GPATCH1: variants seen among roughly 807,000 people sequenced by gnomAD.
The protein encoded by GPATCH1 is G patch domain-containing protein 1.
A neutral mutation model predicts 114.9 loss-of-function variants in GPATCH1; 73 were observed. The ratio of observed to expected loss-of-function variants is 0.64; its 90% CI spans 0.53 to 0.77. The LOEUF is 0.77. Among genes scored for constraint, GPATCH1 ranks in the 30% least tolerant of loss-of-function variants. The pLI is 0.00. For synonymous variants in GPATCH1, 391 were observed against 428.4 expected (o/e 0.91, Z 1.08); for missense variants, 1,058 against 1,144.3 (o/e 0.92, Z 1.09).
At chr19:33,128,766 G>T (rs547557513) in intron 19 of GPATCH1, among the ~76,000 whole-genome samples, 3 of 152,314 alleles carry the variant, frequency 2.0e-5, no homozygotes, top group African/African-American at 7.2e-5. Flanking sequence ...ATGATGGTAG[G>T]CAGCAGTGAG....
chr19:33,086,983 A>C (rs1261869766), intron 1 of GPATCH1, among the ~76,000 whole-genome samples: 1 of 146,184 alleles, frequency 6.8e-6, no homozygotes, highest in African/African-American at 2.8e-5. Context: ...AAAAAAAAAT[A>C]AATAAAGTAT....
At chr19:33,087,314 A>C (rs2145300627) in intron 1 of GPATCH1, among the ~76,000 whole-genome samples, 1 of 152,316 alleles carries the variant, frequency 6.6e-6, no homozygotes, top group South Asian at 2.1e-4. Flanking sequence ...TGATAAAACG[A>C]GGCAGTAATT....
chr19:33,104,263 C>T (rs1972758507), intron 9 of GPATCH1, among the ~76,000 whole-genome samples: 2 of 149,484 alleles, frequency 1.3e-5, no homozygotes, highest in Admixed American at 1.3e-4. Context: ...TTGCTTGAGC[C>T]TGGGAGGTCC....
At chr19:33,114,131 C>A in intron 14 of GPATCH1, 122 bp from the exon 15 acceptor site, 1 of 1,002,698 alleles carries the variant, frequency 1.0e-6, no homozygotes, top group Non-Finnish European at 1.5e-6. Flanking sequence ...CTCCCCAGGA[C>A]CCTACACAGT....
At chr19:33,116,590 C>T (rs1022201175) in intron 15 of GPATCH1, among the ~76,000 whole-genome samples, 5 of 152,120 alleles carry the variant, frequency 3.3e-5, no homozygotes, top group East Asian at 1.9e-4. Context: ...AGGGCAGTGG[C>T]GCGATCTCAG....
chr19:33,110,052 C>T (rs766444646), intron 11 of GPATCH1, 36 bp downstream of exon 11: 57 of 1,533,438 alleles, frequency 3.7e-5, no homozygotes, highest in South Asian at 6.1e-5. Flanking sequence ...AATCTCGGCC[C>T]GGGCGGGGTC....
At chr19:33,125,313 TTC>T (rs1166201527) in intron 18 of GPATCH1, 111 bp downstream of exon 18, 1 of 1,179,048 alleles carries the variant, frequency 8.5e-7, no homozygotes, top group Non-Finnish European at 1.2e-6. Context: ...CAAGTCACAG[TTC>T]TCTCTGAGAC....
intron 9 of GPATCH1, among the ~76,000 whole-genome samples, chr19:33,105,894 C>T (rs545853419): frequency 2.0e-5 from 3 of 151,858 alleles, no homozygotes; most frequent in South Asian, 2.1e-4. Flanking sequence ...CAGCTCTGCA[C>T]CGGGGTGCAG....
In GPATCH1 at chr19:33,129,944, CG is replaced by C. The variant is rs200628032; in HGVS notation, c.2766-181del. 4.8e-5 allele frequency among the ~76,000 whole-genome samples: 4 copies of C among 84,100 alleles called. No homozygotes were observed. In the South Asian group the frequency reaches 1.6e-3, roughly 34 times the overall value. 55.2% of individuals were successfully genotyped at this position (84,100 alleles called of 152,430 possible). On this transcript the variant is annotated intron_variant, in intron 19 of 19. Coordinates refer to ENST00000170564, the MANE Select transcript of GPATCH1 (RefSeq NM_018025.3). ...GGGCGACAAAAGTGAGACTCCATCTCGGGGGAAAAAAAAAAAAAAGCACAGA... is the reference window on the plus strand; with the variant it reads ...GGGCGACAAAAGTGAGACTCCATCTCGGGGAAAAAAAAAAAAAAGCACAGA...
In GPATCH1 at chr19:33,101,614, G is replaced by T. The variant is rs1209703738; in HGVS notation, c.1080+40G>T. On this transcript the variant is annotated intron_variant, in intron 9 of 19. Coordinates refer to ENST00000170564, the MANE Select transcript of GPATCH1 (RefSeq NM_018025.3). ...TTTTCTTTCTTTTTTTACTGGTTTA[G>T]TTCTTAAAATATTTGCTGCTATGTG... 4 of 984,766 alleles carry T rather than the reference G, an allele frequency of 4.1e-6. No homozygotes were observed. The Admixed American group carries it at 5.8e-5, about 14-fold the overall frequency. 61.0% of individuals were successfully genotyped at this position (984,766 alleles called of 1,614,324 possible).
chr19:33,087,575 A>G (rs1474316702), intron 1 of GPATCH1, among the ~76,000 whole-genome samples: 1 of 152,012 alleles, frequency 6.6e-6, no homozygotes, highest in African/African-American at 2.4e-5. Flanking sequence ...GTTCTAGAAG[A>G]GGTATGGAAG....
rs1433987478 is a variant in GPATCH1, at chr19:33,081,285, G to A, written c.73+19G>A. The A allele has an allele frequency of 9.1e-6, 14 of 1,545,100 alleles. No homozygotes were observed. The highest frequency in any genetic ancestry group is 1.2e-5 in the Non-Finnish European group (14 of 1,141,308). On this transcript the variant is annotated intron_variant, in intron 1 of 19. Coordinates refer to ENST00000170564, the MANE Select transcript of GPATCH1 (RefSeq NM_018025.3). Reference sequence around the variant, plus strand: ...GAAGAAGGTGCGGGCCGCGTGGGCCGGCGGAGCCTGTGGAAAACAGGCCAA... The same window carrying A: ...GAAGAAGGTGCGGGCCGCGTGGGCCAGCGGAGCCTGTGGAAAACAGGCCAA...
At chr19:33,100,471 C>A (rs1425265157) in intron 8 of GPATCH1, among the ~76,000 whole-genome samples, 1 of 151,594 alleles carries the variant, frequency 6.6e-6, no homozygotes, top group African/African-American at 2.4e-5. Flanking sequence ...GCCTGTAATG[C>A]CAGCTACTCG....
At chr19:33,091,908 G>GCT (rs1972600680) in intron 3 of GPATCH1, among the ~76,000 whole-genome samples, 1 of 152,086 alleles carries the variant, frequency 6.6e-6, no homozygotes, top group Non-Finnish European at 1.5e-5. Flanking sequence ...GAGACCCCAG[G>GCT]CTCTCTCTTC....
chr19:33,124,577 C>T (rs1224916874), intron 17 of GPATCH1, among the ~76,000 whole-genome samples: 1 of 152,174 alleles, frequency 6.6e-6, no homozygotes, highest in Non-Finnish European at 1.5e-5. Flanking sequence ...GAAGAGCTAA[C>T]ATTTAGGTGC....
intron 15 of GPATCH1, among the ~76,000 whole-genome samples, chr19:33,114,791 TTC>T (rs1339077409): frequency 1.3e-5 from 2 of 148,964 alleles, no homozygotes; most frequent in East Asian, 2.0e-4. Flanking sequence ...GGATTGCTAT[TTC>T]TCTCTTTTTT....
chr19:33,107,499 T>C (rs1319774199), intron 10 of GPATCH1, among the ~76,000 whole-genome samples: 1 of 151,924 alleles, frequency 6.6e-6, no homozygotes, highest in Non-Finnish European at 1.5e-5. Flanking sequence ...CCTGGGAGAG[T>C]ATGTTTTCTT....
intron 19 of GPATCH1, among the ~76,000 whole-genome samples, chr19:33,128,859 GT>G (rs2145345571): frequency 6.6e-6 from 1 of 152,248 alleles, no homozygotes; most frequent in African/African-American, 2.4e-5. Context: ...TGGATACTGG[GT>G]TTTTTACTTT....
Position 33,130,186 on chromosome 19 carries a change from G to A in GPATCH1, c.*26G>A. The A allele has an allele frequency of 6.4e-7, 1 of 1,552,726 alleles. No individual in the cohort carries two copies. The highest frequency in any genetic ancestry group is 8.9e-7 in the Non-Finnish European group (1 of 1,124,184). ...TTGAATGCTGCCCTGGCTCGTCCTA[G>A]AATCATTTCTCCTCCATGATGGAAG... On this transcript the variant is annotated 3_prime_UTR_variant, in exon 20 of 20. Coordinates refer to ENST00000170564, the MANE Select transcript of GPATCH1 (RefSeq NM_018025.3).
Sources: allele counts gnomAD v4.1 joint callset (sites outside exome capture counted in the v4.1 genomes callset), GRCh38; gene constraint gnomAD v4.1.1; transcripts MANE v1.5; gene names NCBI Gene and HGNC (gene_info 2026-07-23, HGNC 2026-07-21).